ARF6: variants seen among roughly 807,000 people sequenced by gnomAD.
ARF6 encodes ARF GTPase 6, also known as ADP-ribosylation factor 6.
For missense variants in ARF6, 75 were observed against 232.0 expected (o/e 0.32, Z 4.40); for synonymous variants, 127 against 95.5 (o/e 1.33, Z -1.92).
At position 49,894,521 on chromosome 14, in the gene ARF6, A is replaced by G. The variant is rs1351262239; in HGVS notation, c.*257A>G. ...CTCTGATCTGACATTTGACATGAACACAAAGTTGCTAGATGCTCTTGTTGA... is the reference window on the plus strand; with the variant it reads ...CTCTGATCTGACATTTGACATGAACGCAAAGTTGCTAGATGCTCTTGTTGA... On this transcript the variant is annotated 3_prime_UTR_variant, in exon 2 of 2. Transcript: ENST00000298316. The G allele has an allele frequency of 2.6e-6, 1 of 383,286 alleles. No individual in the cohort carries two copies. Among genetic ancestry groups the G allele is most frequent in the African/African-American group, 2.1e-5 (1 of 47,966 alleles). 23.7% of individuals were successfully genotyped at this position (383,286 alleles called of 1,614,324 possible).
Position 49,896,313 on chromosome 14 carries a change from C to G in ARF6, c.*2049C>G, listed in dbSNP as rs1313331769. 1.8e-5 allele frequency: 3 copies of G among 166,910 alleles called. No homozygotes were observed. The highest frequency in any genetic ancestry group is 4.4e-5 in the Non-Finnish European group (3 of 68,062). 10.3% of individuals were successfully genotyped at this position (166,910 alleles called of 1,614,324 possible). A position where few individuals can be genotyped will look rare whatever the true frequency, so the allele number is the denominator to read the frequency against. On this transcript the variant is annotated 3_prime_UTR_variant, in exon 2 of 2. Transcript: ENST00000298316. ...GCTTTCTAAAATTTCCAAAGCTCCA[C>G]CATAAATGTAATTTTTAGTGTTTCA...
rs1357292714 is a variant in ARF6 at position 49,894,327 on chromosome 14, C to G, written c.*63C>G. 7.0e-7 allele frequency: 1 copy of G among 1,438,684 alleles called. No homozygotes were observed. Among genetic ancestry groups the G allele is most frequent in the East Asian group, 2.5e-5 (1 of 40,636 alleles). 89.1% of individuals were successfully genotyped at this position (1,438,684 alleles called of 1,614,324 possible). On this transcript the variant is annotated 3_prime_UTR_variant, in exon 2 of 2. Coordinates refer to ENST00000298316, the MANE Select transcript of ARF6 (RefSeq NM_001663.4). Reference sequence around the variant, plus strand: ...CAAAAACCCATTCATAGGATTATCGCCACCATCACCTCTTTCAATTGCCAC... The same window carrying G: ...CAAAAACCCATTCATAGGATTATCGGCACCATCACCTCTTTCAATTGCCAC...
In ARF6 at chr14:49,893,887, A is replaced by T; in HGVS notation, c.151A>T (p.Thr51Ser). 1 of 1,614,124 alleles carries T rather than the reference A, an allele frequency of 6.2e-7. No individual in the cohort carries two copies. Among genetic ancestry groups the T allele is most frequent in the Non-Finnish European group, 8.5e-7 (1 of 1,180,004 alleles). The part of the protein sequence containing the change: ...TIPTVGFNVE[T>S]VTYKNVKFNV... ...TCCCACTGTGGGTTTCAACGTGGAG[A>T]CGGTGACTTACAAAAATGTCAAGTT... Residue 51 changes from threonine to serine, a missense_variant, in exon 2 of 2, where the codon ACG (threonine) becomes TCG (serine). By Grantham distance (58) the Thr-to-Ser change is moderately conservative. Coordinates refer to ENST00000298316, the MANE Select transcript of ARF6 (RefSeq NM_001663.4).
In ARF6 at chr14:49,895,255, T is replaced by C. The variant is rs1321360285; in HGVS notation, c.*991T>C. On this transcript the variant is annotated 3_prime_UTR_variant, in exon 2 of 2. Transcript: ENST00000298316. ...TGGGCAAAACTGGAATGTATACTTT[T>C]ACCTTGTTTCAAACACCTAAGACCA... 1.8e-5 allele frequency: 3 copies of C among 167,146 alleles called. No individual in the cohort carries two copies. Among genetic ancestry groups the C allele is most frequent in the Non-Finnish European group, 4.4e-5 (3 of 68,124 alleles). 10.4% of individuals were successfully genotyped at this position (167,146 alleles called of 1,614,324 possible). A position where few individuals can be genotyped will look rare whatever the true frequency, so the allele number is the denominator to read the frequency against.
chr14:49,895,716 G>A lies in ARF6; in HGVS notation c.*1452G>A, dbSNP rs1250594976. On this transcript the variant is annotated 3_prime_UTR_variant, in exon 2 of 2. Coordinates refer to ENST00000298316, the MANE Select transcript of ARF6 (RefSeq NM_001663.4). ...TCATGTGTAAGCAGTGTGCTCGCTG[G>A]TGATATCCAGATCCTAACAAGATTA... The A allele has an allele frequency of 3.6e-5, 6 of 166,878 alleles. No individual in the cohort carries two copies. In the Admixed American group the frequency reaches 3.9e-4, roughly 11 times the overall value. 10.3% of individuals were successfully genotyped at this position (166,878 alleles called of 1,614,324 possible).
At position 49,894,454 on chromosome 14, in the gene ARF6, T is replaced by C. The variant is rs1894493339; in HGVS notation, c.*190T>C. On this transcript the variant is annotated 3_prime_UTR_variant, in exon 2 of 2. Coordinates refer to ENST00000298316, the MANE Select transcript of ARF6 (RefSeq NM_001663.4). ...TTTGTTTGTTTCCCTTTCTTTTTCC[T>C]TTTTTTTTTTTTTTTTTTTTTGTTG... is the stretch of plus-strand genomic sequence containing the variant. The C allele has an allele frequency of 2.3e-4, 1 of 4,436 alleles. No individual in the cohort carries two copies. 0.3% of individuals were successfully genotyped at this position (4,436 alleles called of 1,614,324 possible). A position where few individuals can be genotyped will look rare whatever the true frequency, so the allele number is the denominator to read the frequency against.
rs748042646 is a variant in ARF6 at position 49,893,781 on chromosome 14, G to T, written c.45G>T (p.Arg15=). 1.2e-6 allele frequency: 2 copies of T among 1,614,264 alleles called. No homozygotes were observed. The highest frequency in any genetic ancestry group is 1.1e-5 in the South Asian group (1 of 91,090). ...LSKIFGNKEM[R]ILMLGLDAAG... ...AAATCTTCGGGAACAAGGAAATGCGGATCCTCATGTTGGGCCTGGACGCGG... is the reference window on the plus strand; with the variant it reads ...AAATCTTCGGGAACAAGGAAATGCGTATCCTCATGTTGGGCCTGGACGCGG... The change falls in exon 2 of 2, where the codon CGG becomes CGT. Residue 15 remains arginine, a synonymous_variant. Transcript: ENST00000298316.
rs763577743 is a variant in ARF6 at position 49,896,900 on chromosome 14, T to A, written c.*2636T>A. On this transcript the variant is annotated 3_prime_UTR_variant, in exon 2 of 2. Transcript: ENST00000298316. ...ATGTGAATTTATAAACTGCAGTAAG[T>A]TTTGAATGAGGTTAATCTTGTTTAA... 28 of 167,166 alleles carry A rather than the reference T, an allele frequency of 1.7e-4. No individual in the cohort carries two copies. The highest frequency in any genetic ancestry group is 5.9e-4 in the Admixed American group (9 of 15,300). The allele number at this position is 167,166 out of a possible 1,614,324, so 10.4% of individuals were successfully genotyped here. A position where few individuals can be genotyped will look rare whatever the true frequency, so the allele number is the denominator to read the frequency against.
rs1018472767 is a variant in ARF6, at chr14:49,896,640, G to C, written c.*2376G>C. On this transcript the variant is annotated 3_prime_UTR_variant, in exon 2 of 2. Coordinates refer to ENST00000298316, the MANE Select transcript of ARF6 (RefSeq NM_001663.4). ...TTTATTTGAAATGTTTGACTGGAAA[G>C]GGGGGAGGGGGAAGCAAATATTTGA... 6.0e-6 allele frequency: 1 copy of C among 166,974 alleles called. No homozygotes were observed. The highest frequency in any genetic ancestry group is 2.1e-4 in the South Asian group (1 of 4,828). 10.3% of individuals were successfully genotyped at this position (166,974 alleles called of 1,614,324 possible).
In ARF6 at chr14:49,896,893, C is replaced by CAGTA. The variant is rs1477948442; in HGVS notation, c.*2633_*2636dup. 1 of 166,922 alleles carries CAGTA rather than the reference C, an allele frequency of 6.0e-6. No homozygotes were observed. Among genetic ancestry groups the CAGTA allele is most frequent in the African/African-American group, 2.4e-5 (1 of 41,396 alleles). The allele number at this position is 166,922 out of a possible 1,614,324, so 10.3% of individuals were successfully genotyped here. A position where few individuals can be genotyped will look rare whatever the true frequency, so the allele number is the denominator to read the frequency against. Reference sequence around the variant, plus strand: ...TGTATTTATGTGAATTTATAAACTGCAGTAAGTTTTGAATGAGGTTAATCT... The same window carrying CAGTA: ...TGTATTTATGTGAATTTATAAACTGCAGTAAGTAAGTTTTGAATGAGGTTAATCT... On this transcript the variant is annotated 3_prime_UTR_variant, in exon 2 of 2. Coordinates refer to ENST00000298316, the MANE Select transcript of ARF6 (RefSeq NM_001663.4).
rs903974837 is a variant in ARF6, at chr14:49,893,623, C to T, written c.-114C>T. 7.8e-6 allele frequency: 11 copies of T among 1,406,208 alleles called. No individual in the cohort carries two copies. The highest frequency in any genetic ancestry group is 1.4e-5 in the African/African-American group (1 of 69,734). 87.1% of individuals were successfully genotyped at this position (1,406,208 alleles called of 1,614,324 possible). A position where few individuals can be genotyped will look rare whatever the true frequency, so the allele number is the denominator to read the frequency against. The stretch of plus-strand genomic sequence containing the variant: ...TAGGAGGCAACTCCCACGCAGGCCG[C>T]AAAGGCGCTCTCGCGGCCGAGAGGC... On this transcript the variant is annotated 5_prime_UTR_variant, in exon 2 of 2. Transcript: ENST00000298316.
rs544191647 is a variant in ARF6 at position 49,893,412 on chromosome 14, G to A, written c.-325G>A. ...CCCTCGCGGTGAGAGGAAGGCGGAG[G>A]AGCGGGAACCGCGGCGGCGCTCGCG... On this transcript the variant is annotated 5_prime_UTR_variant, in exon 2 of 2. Transcript: ENST00000298316. 2 of 213,724 alleles carry A rather than the reference G, an allele frequency of 9.4e-6. No homozygotes were observed. The highest frequency in any genetic ancestry group is 1.8e-5 in the Non-Finnish European group (2 of 110,334). The allele number at this position is 213,724 out of a possible 1,614,324, so 13.2% of individuals were successfully genotyped here.
In ARF6 at chr14:49,893,621, C is replaced by G; in HGVS notation, c.-116C>G. On this transcript the variant is annotated 5_prime_UTR_variant, in exon 2 of 2. Coordinates refer to ENST00000298316, the MANE Select transcript of ARF6 (RefSeq NM_001663.4). ...CTTAGGAGGCAACTCCCACGCAGGC[C>G]GCAAAGGCGCTCTCGCGGCCGAGAG... 1 of 1,381,062 alleles carries G rather than the reference C, an allele frequency of 7.2e-7. No homozygotes were observed. 85.6% of individuals were successfully genotyped at this position (1,381,062 alleles called of 1,614,324 possible). A position where few individuals can be genotyped will look rare whatever the true frequency, so the allele number is the denominator to read the frequency against.
At position 49,895,725 on chromosome 14, in the gene ARF6, A is replaced by G. The variant is rs553878753; in HGVS notation, c.*1461A>G. The G allele has an allele frequency of 1.2e-5, 2 of 167,030 alleles. No homozygotes were observed. Among genetic ancestry groups the G allele is most frequent in the Non-Finnish European group, 2.9e-5 (2 of 68,098 alleles). The allele number at this position is 167,030 out of a possible 1,614,324, so 10.3% of individuals were successfully genotyped here. A position where few individuals can be genotyped will look rare whatever the true frequency, so the allele number is the denominator to read the frequency against. On this transcript the variant is annotated 3_prime_UTR_variant, in exon 2 of 2. Transcript: ENST00000298316. The stretch of plus-strand genomic sequence containing the variant: ...AGCAGTGTGCTCGCTGGTGATATCC[A>G]GATCCTAACAAGATTACTTGGTTAG...
chr14:49,893,544 C>G lies in ARF6; in HGVS notation c.-193C>G, dbSNP rs1163823966. On this transcript the variant is annotated 5_prime_UTR_variant, in exon 2 of 2. The change creates a new upstream start codon in the 5' untranslated region. Transcript: ENST00000298316. Reference sequence around the variant, plus strand: ...GGGTGGCGGCGGCGACTGGAGAAATCAAGTTGTGCGGTCGGTGATGCCCGA... The same window carrying G: ...GGGTGGCGGCGGCGACTGGAGAAATGAAGTTGTGCGGTCGGTGATGCCCGA... 3.1e-6 allele frequency: 2 copies of G among 650,622 alleles called. No individual in the cohort carries two copies. Among genetic ancestry groups the G allele is most frequent in the South Asian group, 2.1e-5 (1 of 48,122 alleles). 40.3% of individuals were successfully genotyped at this position (650,622 alleles called of 1,614,324 possible).
In ARF6 at chr14:49,894,054, T is replaced by C; in HGVS notation, c.318T>C (p.Ile106=). 6.2e-7 allele frequency: 1 copy of C among 1,614,116 alleles called. No individual in the cohort carries two copies. The highest frequency in any genetic ancestry group is 8.5e-7 in the Non-Finnish European group (1 of 1,180,006). Residue 106 remains isoleucine, a synonymous_variant, in exon 2 of 2, where the codon ATT becomes ATC. Coordinates refer to ENST00000298316, the MANE Select transcript of ARF6 (RefSeq NM_001663.4). Reference sequence around the variant, plus strand: ...AGGCTCGCCAGGAGCTGCACCGCATTATCAATGACCGGGAGATGAGGGACG... The same window carrying C: ...AGGCTCGCCAGGAGCTGCACCGCATCATCAATGACCGGGAGATGAGGGACG... The part of the protein sequence containing the change: ...IDEARQELHR[I]INDREMRDAI...
At position 49,894,513 on chromosome 14, in the gene ARF6, A is replaced by T. The variant is rs537919229; in HGVS notation, c.*249A>T. The T allele has an allele frequency of 3.0e-4, 118 of 391,326 alleles. 1 individual carries two copies. Among genetic ancestry groups the T allele is most frequent in the African/African-American group, 2.4e-3 (105 of 43,636 alleles). 24.2% of individuals were successfully genotyped at this position (391,326 alleles called of 1,614,324 possible). On this transcript the variant is annotated 3_prime_UTR_variant, in exon 2 of 2. Coordinates refer to ENST00000298316, the MANE Select transcript of ARF6 (RefSeq NM_001663.4). ...TTAGGATGCTCTGATCTGACATTTG[A>T]CATGAACACAAAGTTGCTAGATGCT...
In ARF6 at chr14:49,894,177, G is replaced by A; in HGVS notation, c.441G>A (p.Arg147=). ...TGGGCCTGACCCGGATTCGGGACAGGAACTGGTATGTGCAGCCCTCCTGTG... is the reference window on the plus strand; with the variant it reads ...TGGGCCTGACCCGGATTCGGGACAGAAACTGGTATGTGCAGCCCTCCTGTG... ...EKLGLTRIRD[R]NWYVQPSCAT... is the part of the protein sequence containing the mutation. Residue 147 remains arginine (R), a synonymous_variant, in exon 2 of 2, where the codon AGG becomes AGA. Transcript: ENST00000298316. 6.2e-7 allele frequency: 1 copy of A among 1,614,168 alleles called. No individual in the cohort carries two copies. The highest frequency in any genetic ancestry group is 1.1e-5 in the South Asian group (1 of 91,080).
Position 49,893,955 on chromosome 14 carries a change from C to T in ARF6, c.219C>T (p.Leu73=), listed in dbSNP as rs111484414. Residue 73 remains leucine (L), a synonymous_variant, in exon 2 of 2, where the codon CTC becomes CTT. Transcript: ENST00000298316. ...GCGGCCAGGACAAGATCCGGCCGCT[C>T]TGGCGGCATTACTACACTGGGACCC... is the stretch of plus-strand genomic sequence containing the variant. ...DVGGQDKIRP[L]WRHYYTGTQG... is the part of the protein sequence containing the mutation. The T allele has an allele frequency of 1.8e-3, 2,857 of 1,614,234 alleles. 47 individuals are homozygous for T. The African/African-American group carries it at 0.033, about 19-fold the overall frequency.
Sources: allele counts gnomAD v4.1 joint callset, GRCh38; gene constraint gnomAD v4.1.1; transcripts MANE v1.5; gene names NCBI Gene and HGNC (gene_info 2026-07-23, HGNC 2026-07-21).